FCHSD2: variants seen among roughly 807,000 people sequenced by gnomAD.
FCHSD2 encodes F-BAR and double SH3 domains protein 2.
FCHSD2 carries 38 observed loss-of-function variants against 108.1 expected under a neutral mutation model. That is an observed-to-expected ratio of 0.35 (90% CI 0.27 to 0.46). The LOEUF is 0.46. Among genes scored for constraint, FCHSD2 ranks in the 20% least tolerant of loss-of-function variants. The pLI, the probability that FCHSD2 is intolerant of heterozygous loss-of-function variation, is 1.00. For synonymous variants in FCHSD2, 279 were observed against 314.7 expected, an observed-to-expected ratio of 0.89 and a Z score of 1.20; for missense variants, 751 against 897.8, an observed-to-expected ratio of 0.84 and a Z score of 2.09.
Position 72,838,494 on chromosome 11 carries a change from G to A in FCHSD2, c.*297C>T. On this transcript the variant is annotated 3_prime_UTR_variant, in exon 20 of 20. Coordinates refer to ENST00000409418, the MANE Select transcript of FCHSD2 (RefSeq NM_014824.3). ...GCCCTGGAATGAGGCCTGTTCTTGA[G>A]TCTCATATAAAAACAGACCACTGTT... is the stretch of plus-strand genomic sequence containing the variant. 2.3e-6 allele frequency: 1 copy of A among 442,088 alleles called. No individual in the cohort carries two copies. The allele number at this position is 442,088 out of a possible 1,614,324, so 27.4% of individuals were successfully genotyped here.
chr11:73,085,885 G>A (rs933397517), intron 2 of FCHSD2, among the ~76,000 whole-genome samples: 1 of 152,050 alleles, frequency 6.6e-6, no homozygotes, highest in Non-Finnish European at 1.5e-5. Flanking sequence ...CTAAGAAGGG[G>A]AGAAGTATGG....
chr11:73,018,638 T>C (rs962736091), intron 3 of FCHSD2, among the ~76,000 whole-genome samples: 1 of 152,098 alleles, frequency 6.6e-6, no homozygotes, highest in South Asian at 2.1e-4. Flanking sequence ...CTGTTTCTAA[T>C]GTATAGTGCC....
chr11:73,092,020 A>ATC (rs1434837754), intron 2 of FCHSD2, among the ~76,000 whole-genome samples: 1 of 152,108 alleles, frequency 6.6e-6, no homozygotes, highest in Non-Finnish European at 1.5e-5. Flanking sequence ...GGGCGACAGA[A>ATC]TGAGACTCAC....
intron 2 of FCHSD2, among the ~76,000 whole-genome samples, chr11:73,118,272 C>T (rs775209382): frequency 9.9e-5 from 15 of 152,152 alleles, no homozygotes; most frequent in Non-Finnish European, 1.8e-4. Context: ...TGAGCCGAGA[C>T]TGTGCCACTG....
chr11:72,898,710 C>G (rs1855468524), intron 10 of FCHSD2, among the ~76,000 whole-genome samples: 1 of 147,604 alleles, frequency 6.8e-6, no homozygotes, highest in South Asian at 2.1e-4. Flanking sequence ...TTGAGCAAAG[C>G]AAATTGCTTT....
At chr11:72,841,040 A>G (rs1335439269) in intron 18 of FCHSD2, 81 bp from the exon 19 acceptor site, 2 of 1,060,864 alleles carry the variant, frequency 1.9e-6, no homozygotes, top group African/African-American at 3.1e-5. Flanking sequence ...TGGTGGCTTG[A>G]GCCTGTAATC....
chr11:72,884,713 C>T (rs527355810), intron 12 of FCHSD2, among the ~76,000 whole-genome samples: 74 of 152,058 alleles, frequency 4.9e-4, no homozygotes, highest in African/African-American at 1.7e-3. Context: ...CAAGCCTCTG[C>T]CTCCCAAGTA....
At chr11:72,903,659 T>A (rs1405591356) in intron 9 of FCHSD2, among the ~76,000 whole-genome samples, 1 of 152,166 alleles carries the variant, frequency 6.6e-6, no homozygotes, top group Non-Finnish European at 1.5e-5. Flanking sequence ...AAAACCCCAC[T>A]TTCTATTTTG....
intron 2 of FCHSD2, among the ~76,000 whole-genome samples, chr11:73,094,747 T>C (rs1009470577): frequency 6.6e-6 from 1 of 152,224 alleles, no homozygotes; most frequent in African/African-American, 2.4e-5. Context: ...AAATTGATAA[T>C]TGTTTAATAA....
chr11:72,918,056 A>G (rs1193233695), intron 9 of FCHSD2, among the ~76,000 whole-genome samples: 1 of 152,116 alleles, frequency 6.6e-6, no homozygotes, highest in Non-Finnish European at 1.5e-5. Flanking sequence ...GCATTTATTT[A>G]TATCTTTTAT....
intron 8 of FCHSD2, among the ~76,000 whole-genome samples, chr11:72,928,794 C>T (rs1018938387): frequency 6.6e-6 from 1 of 152,066 alleles, no homozygotes; most frequent in African/African-American, 2.4e-5. Context: ...CATATGTATA[C>T]ATGTGCCATG....
At chr11:72,932,292 C>T (rs1856209608) in intron 8 of FCHSD2, among the ~76,000 whole-genome samples, 1 of 152,186 alleles carries the variant, frequency 6.6e-6, no homozygotes, top group Admixed American at 6.5e-5. Context: ...ATCCAACTCT[C>T]CCTCTCACCA....
chr11:72,924,437 C>T (rs1305393749), intron 8 of FCHSD2, among the ~76,000 whole-genome samples: 1 of 133,850 alleles, frequency 7.5e-6, no homozygotes, highest in African/African-American at 2.6e-5. Context: ...GCCACCACAC[C>T]CGGCTTTTTT....
At chr11:73,053,218 A>G (rs1490860262) in intron 3 of FCHSD2, among the ~76,000 whole-genome samples, 1 of 148,354 alleles carries the variant, frequency 6.7e-6, no homozygotes, top group African/African-American at 2.5e-5. Flanking sequence ...ATATTTGTTG[A>G]AAAATTATCA....
At chr11:72,922,051 T>G (rs1286637617) in intron 8 of FCHSD2, 101 bp from the exon 9 acceptor site, 2 of 704,542 alleles carry the variant, frequency 2.8e-6, no homozygotes, top group African/African-American at 3.6e-5. Context: ...GTTTAAAATT[T>G]ATTATTAATA....
rs547672561 is a variant in FCHSD2, at chr11:73,027,769, T to G, written c.166-11884A>C. Among the ~76,000 whole-genome samples the G allele has an allele frequency of 2.0e-5, 3 of 152,374 alleles. No individual in the cohort carries two copies. The East Asian group carries it at 5.8e-4, about 29-fold the overall frequency. On this transcript the variant is annotated intron_variant, in intron 3 of 19. Transcript: ENST00000409418. ...TGGTTTTGTAGCCCAGGACCAGGGC[T>G]GTGCTGCTCTGTGCAGCCTTGGGAC...
intron 2 of FCHSD2, among the ~76,000 whole-genome samples, chr11:73,116,824 A>G (rs974569623): frequency 2.6e-5 from 4 of 152,318 alleles, no homozygotes; most frequent in African/African-American, 9.6e-5. Flanking sequence ...GGCATGAGCC[A>G]CAGCGCCTGG....
intron 3 of FCHSD2, among the ~76,000 whole-genome samples, chr11:73,044,789 G>A (rs2135467509): frequency 1.3e-5 from 2 of 152,166 alleles, no homozygotes; most frequent in Middle Eastern, 6.8e-3. Flanking sequence ...CTAAGGATGG[G>A]GCTGGGCACA....
intron 3 of FCHSD2, chr11:73,077,785 G>A: frequency 3.8e-6 from 1 of 265,506 alleles, no homozygotes; most frequent in Non-Finnish European, 7.6e-6. Flanking sequence ...GGACACACAG[G>A]AAAACTCTGG....
Sources: gnomAD v4.1 joint callset for allele counts (sites outside exome capture counted in the v4.1 genomes callset) on GRCh38, gnomAD v4.1.1 for gene constraint, MANE v1.5 for transcripts, NCBI Gene and HGNC (gene_info 2026-07-23, HGNC 2026-07-21) for gene names.